Variants in CTNNBL1 observed in about 807,000 individuals in gnomAD.
The protein encoded by CTNNBL1 is catenin beta like 1, also known as beta-catenin-like protein 1.
A neutral mutation model predicts 72.7 loss-of-function variants in CTNNBL1; 31 were observed. The observed-to-expected ratio is 0.43, with a 90% CI of 0.32 to 0.58. The LOEUF is 0.58. Among genes scored for constraint, CTNNBL1 ranks in the 20% least tolerant of loss-of-function variants. CTNNBL1 has a pLI of 0.08. For missense variants in CTNNBL1, 534 were observed against 725.1 expected, an observed-to-expected ratio of 0.74 and a Z score of 3.03; for synonymous variants, 240 against 267.3, an observed-to-expected ratio of 0.90 and a Z score of 1.00.
At chr20:37,827,151 C>T (rs111490040) in intron 11 of CTNNBL1, among the ~76,000 whole-genome samples, 1,835 of 152,292 alleles carry the variant, frequency 0.012, 39 homozygotes, top group African/African-American at 0.042. Context: ...TTGAGATTCA[C>T]CATAGGTTGT....
At chr20:37,825,033 A>G (rs1420992120) in intron 11 of CTNNBL1, among the ~76,000 whole-genome samples, 1 of 152,182 alleles carries the variant, frequency 6.6e-6, no homozygotes, top group Non-Finnish European at 1.5e-5. Context: ...GTATCCCTCC[A>G]AATAAAATGG....
At chr20:37,732,827 C>T in intron 1 of CTNNBL1, 52 bp from the exon 2 acceptor site, 7 of 1,554,826 alleles carry the variant, frequency 4.5e-6, no homozygotes, top group Non-Finnish European at 6.1e-6. Context: ...GCCACCACGC[C>T]TGGCTTCTAT....
At chr20:37,815,076 A>AGTGTGTGTGT (rs11474436) in intron 11 of CTNNBL1, among the ~76,000 whole-genome samples, 5,504 of 147,346 alleles carry the variant, frequency 0.037, 133 homozygotes, top group East Asian at 0.089. Context: ...GGACTCTGTG[A>AGTGTGTGTGT]GTGTGTGTGT....
intron 3 of CTNNBL1, among the ~76,000 whole-genome samples, chr20:37,741,510 C>T (rs1007454822): frequency 1.3e-5 from 2 of 152,280 alleles, no homozygotes; most frequent in African/African-American, 4.8e-5. Context: ...GTTGGGACAC[C>T]ACGCTCTGTG....
At chr20:37,699,651 A>T (rs1051065923) in intron 1 of CTNNBL1, among the ~76,000 whole-genome samples, 1 of 152,232 alleles carries the variant, frequency 6.6e-6, no homozygotes, top group African/African-American at 2.4e-5. Flanking sequence ...ACGACCACTG[A>T]AGTTTGCTTC....
At chr20:37,846,147 G>T (rs1488719904) in intron 13 of CTNNBL1, among the ~76,000 whole-genome samples, 1 of 151,738 alleles carries the variant, frequency 6.6e-6, no homozygotes, top group Non-Finnish European at 1.5e-5. Context: ...AGGATCCGGG[G>T]AGTGGGGAGA....
chr20:37,749,831 T>G (rs1315270858), intron 4 of CTNNBL1: 1 of 152,188 alleles, frequency 6.6e-6, no homozygotes. Context: ...GCTGCTTGTC[T>G]TATCTGTGAT....
chr20:37,856,602 G>A (rs907866247), intron 13 of CTNNBL1, among the ~76,000 whole-genome samples: 8 of 151,990 alleles, frequency 5.3e-5, no homozygotes, highest in East Asian at 1.9e-4. Context: ...AACACAAGTC[G>A]TTTCTTGTAG....
intron 11 of CTNNBL1, among the ~76,000 whole-genome samples, chr20:37,834,082 A>G (rs2072234776): frequency 6.6e-6 from 1 of 152,224 alleles, no homozygotes; most frequent in Non-Finnish European, 1.5e-5. Flanking sequence ...GCAGTTGATC[A>G]TGGTATACCT....
At chr20:37,800,365 A>ACACT (rs2073813642) in intron 10 of CTNNBL1, among the ~76,000 whole-genome samples, 2 of 152,080 alleles carry the variant, frequency 1.3e-5, no homozygotes, top group Admixed American at 1.3e-4. Flanking sequence ...GGCGTAACCT[A>ACACT]CACTCACCCT....
Position 37,718,716 on chromosome 20 carries a change from T to C in CTNNBL1, c.31-14163T>C, listed in dbSNP as rs150042759. On this transcript the variant is annotated intron_variant, in intron 1 of 15. Transcript: ENST00000361383. ...ACAGATGACACTAGACTCTTCTGGATAGCAAAATTGCAGATAGGCAAGGAA... is the reference window on the plus strand; with the variant it reads ...ACAGATGACACTAGACTCTTCTGGACAGCAAAATTGCAGATAGGCAAGGAA... Among the ~76,000 whole-genome samples, 48 of 152,346 alleles carry C rather than the reference T, an allele frequency of 3.2e-4. No homozygotes were observed. In the East Asian group the frequency reaches 8.9e-3, roughly 28 times the overall value.
At chr20:37,849,156 A>G (rs1412011575) in intron 13 of CTNNBL1, among the ~76,000 whole-genome samples, 3 of 152,020 alleles carry the variant, frequency 2.0e-5, no homozygotes, top group African/African-American at 7.3e-5. Flanking sequence ...GGCTACCATC[A>G]TTTGTTTTCT....
intron 11 of CTNNBL1, among the ~76,000 whole-genome samples, chr20:37,823,695 T>C (rs1000631936): frequency 6.6e-6 from 1 of 152,210 alleles, no homozygotes; most frequent in African/African-American, 2.4e-5. Flanking sequence ...CAGGGAGGAT[T>C]TTCAGAGGAG....
intron 11 of CTNNBL1, among the ~76,000 whole-genome samples, chr20:37,814,625 A>G (rs1041257414): frequency 6.6e-6 from 1 of 152,192 alleles, no homozygotes; most frequent in African/African-American, 2.4e-5. Flanking sequence ...AATATCAGCT[A>G]AACAGCTTTG....
intron 11 of CTNNBL1, among the ~76,000 whole-genome samples, chr20:37,834,289 C>A (rs555163926): frequency 7.0e-6 from 1 of 143,496 alleles, no homozygotes; most frequent in East Asian, 2.4e-4. Flanking sequence ...TCTTTCTCAT[C>A]CATCTTAATC....
At chr20:37,843,739 C>T (rs188969244) in intron 13 of CTNNBL1, among the ~76,000 whole-genome samples, 1 of 152,280 alleles carries the variant, frequency 6.6e-6, no homozygotes, top group Non-Finnish European at 1.5e-5. Flanking sequence ...GGTTGGATCA[C>T]CTTGGCTAGT....
intron 11 of CTNNBL1, chr20:37,832,450 G>A (rs1011814876): frequency 6.6e-6 from 1 of 152,206 alleles, no homozygotes; most frequent in Non-Finnish European, 1.5e-5. Context: ...TTGAAAGAAT[G>A]GGTTTAATAG....
chr20:37,702,855 A>C (rs948760553), intron 1 of CTNNBL1, among the ~76,000 whole-genome samples: 6 of 152,216 alleles, frequency 3.9e-5, no homozygotes, highest in Non-Finnish European at 8.8e-5. Context: ...TGTCTAATAC[A>C]TGGTTGTTTA....
Position 37,717,503 on chromosome 20 carries a change from A to G in CTNNBL1, c.31-15376A>G, listed in dbSNP as rs143719989. ...ATAAATAATTTTAAATAGCTTTCCC[A>G]TATTAATTTGTTATTTAAAGGTTCA... On this transcript the variant is annotated intron_variant, in intron 1 of 15. Transcript: ENST00000361383. Among the ~76,000 whole-genome samples, 188 of 152,308 alleles carry G rather than the reference A, an allele frequency of 1.2e-3. 2 individuals carry two copies. The highest frequency in any genetic ancestry group is 4.5e-3 in the African/African-American group (185 of 41,570).
Sources: gnomAD v4.1 joint callset for allele counts (sites outside exome capture counted in the v4.1 genomes callset) on GRCh38, gnomAD v4.1.1 for gene constraint, MANE v1.5 for transcripts, NCBI Gene and HGNC (gene_info 2026-07-23, HGNC 2026-07-21) for gene names.